PIWIL2: variants seen among roughly 807,000 people sequenced by gnomAD.
PIWIL2 encodes the protein piwi like RNA-mediated gene silencing 2, also known as piwi-like protein 2.
A neutral mutation model predicts 116.5 loss-of-function variants in PIWIL2; 81 were observed. The observed-to-expected ratio is 0.70, with a 90% confidence interval of 0.58 to 0.84. PIWIL2 has a LOEUF of 0.84. PIWIL2 is among the 40% of genes least tolerant of loss of function. The pLI is 0.00. For synonymous variants in PIWIL2, 489 were observed against 429.5 expected, an observed-to-expected ratio of 1.14 and a Z score of -1.71; for missense variants, 1,272 against 1,212.3, an observed-to-expected ratio of 1.05 and a Z score of -0.73.
chr8:22,319,302 A>ATTTT lies in PIWIL2; in HGVS notation c.2403+1033_2403+1036dup, dbSNP rs796870518. ...TAATACTGTTCAGTTATTAGAGGTT[A>ATTTT]TTTTTTTTTAAAGTCTGTCTCCAGC... On this transcript the variant is annotated intron_variant, in intron 20 of 22. Coordinates refer to ENST00000356766, the MANE Select transcript of PIWIL2 (RefSeq NM_018068.5). Among the ~76,000 whole-genome samples, 24 of 151,706 alleles carry ATTTT rather than the reference A, an allele frequency of 1.6e-4. No individual in the cohort carries two copies. In the East Asian group the frequency reaches 4.6e-3, roughly 29 times the overall value.
intron 20 of PIWIL2, among the ~76,000 whole-genome samples, chr8:22,349,428 T>C (rs1340944107): frequency 6.8e-6 from 1 of 146,124 alleles, no homozygotes; most frequent in African/African-American, 2.5e-5. Context: ...TGTATATATA[T>C]ATATATATAT....
intron 6 of PIWIL2, among the ~76,000 whole-genome samples, chr8:22,286,662 C>T (rs765753449): frequency 1.3e-5 from 2 of 152,152 alleles, no homozygotes; most frequent in Non-Finnish European, 2.9e-5. Flanking sequence ...CACTCTGTTG[C>T]GCAGGCCGGA....
intron 20 of PIWIL2, among the ~76,000 whole-genome samples, chr8:22,320,259 CTTTTTT>C (rs71544874): frequency 1.1e-5 from 1 of 89,602 alleles, no homozygotes; most frequent in Admixed American, 1.6e-4. Flanking sequence ...CTGCGCCCGG[CTTTTTT>C]TTTTTTTTTT....
chr8:22,331,509 A>T (rs968253965), intron 20 of PIWIL2, among the ~76,000 whole-genome samples: 1 of 152,130 alleles, frequency 6.6e-6, no homozygotes, highest in African/African-American at 2.4e-5. Context: ...TTTTACCTAA[A>T]TTCTTCAAAG....
intron 20 of PIWIL2, among the ~76,000 whole-genome samples, chr8:22,344,532 GAC>G (rs891327699): frequency 1.3e-5 from 2 of 151,972 alleles, no homozygotes; most frequent in African/African-American, 2.4e-5. Context: ...AAAACATACA[GAC>G]ACACAATGAG....
chr8:22,332,399 GAGGTTA>G (rs1333353861), intron 20 of PIWIL2, among the ~76,000 whole-genome samples: 1 of 152,060 alleles, frequency 6.6e-6, no homozygotes, highest in Admixed American at 6.6e-5. Context: ...GGCTCAGAAG[GAGGTTA>G]AAGAAGGCAG....
Position 22,355,430 on chromosome 8 carries a change from G to C in PIWIL2, c.2847G>C (p.Lys949Asn). The C allele has an allele frequency of 6.2e-7, 1 of 1,614,150 alleles. No homozygotes were observed. Among genetic ancestry groups the C allele is most frequent in the Non-Finnish European group, 8.5e-7 (1 of 1,180,006 alleles). Reference sequence around the variant, plus strand: ...CAGCTCCTTGCAAGTATGCCCACAAGCTAGCTTTCCTGTCAGGACACATCT... The same window carrying C: ...CAGCTCCTTGCAAGTATGCCCACAACCTAGCTTTCCTGTCAGGACACATCT... ...RVPAPCKYAH[K>N]LAFLSGHILH... Residue 949 changes from lysine (K) to asparagine (N), a missense_variant, in exon 23 of 23, where the codon AAG becomes AAC. Physicochemically the swap from Lys to Asn is moderately conservative, Grantham distance 94 (BLOSUM62 0). Coordinates refer to ENST00000356766, the MANE Select transcript of PIWIL2 (RefSeq NM_018068.5).
rs778592287 is a variant in PIWIL2, at chr8:22,290,367, A to C, written c.1181+21A>C. On this transcript the variant is annotated intron_variant, in intron 10 of 22. Coordinates refer to ENST00000356766, the MANE Select transcript of PIWIL2 (RefSeq NM_018068.5). ...GTCATGTGAGTGAATGGTGGGGTCT[A>C]TCTTTAACATGCTGATGATTTTCTG... 6.0e-6 allele frequency: 8 copies of C among 1,327,180 alleles called. No individual in the cohort carries two copies. The Admixed American group carries it at 1.4e-4, about 23-fold the overall frequency. The allele number at this position is 1,327,180 out of a possible 1,614,324, so 82.2% of individuals were successfully genotyped here. A position where few individuals can be genotyped will look rare whatever the true frequency, so the allele number is the denominator to read the frequency against.
intron 4 of PIWIL2, among the ~76,000 whole-genome samples, chr8:22,282,563 G>A (rs934647990): frequency 6.6e-6 from 1 of 151,778 alleles, no homozygotes. Flanking sequence ...ACAGTCAATA[G>A]CAGTTGGTGA....
At chr8:22,316,747 G>A (rs569008786) in intron 19 of PIWIL2, among the ~76,000 whole-genome samples, 1 of 151,996 alleles carries the variant, frequency 6.6e-6, no homozygotes, top group South Asian at 2.1e-4. Flanking sequence ...CTCCCACAGT[G>A]CTTGGATTAC....
chr8:22,282,187 TCTC>T (rs1432025319), intron 4 of PIWIL2, among the ~76,000 whole-genome samples: 3 of 147,426 alleles, frequency 2.0e-5, no homozygotes, highest in Non-Finnish European at 4.5e-5. Flanking sequence ...TTCAAGCGAT[TCTC>T]CTGCCTCAGT....
Position 22,281,375 on chromosome 8 carries a change from A to G in PIWIL2, c.287-2A>G, listed in dbSNP as rs1377365989. ...TTGCTGGGGTTCGGTTCTTTCTTTC[A>G]GGTAGAGGCATTTTAGGTCGAGGCT... is the stretch of plus-strand genomic sequence containing the variant. On this transcript the variant is annotated splice_acceptor_variant, in intron 3 of 22. Coordinates refer to ENST00000356766, the MANE Select transcript of PIWIL2 (RefSeq NM_018068.5). LOFTEE classifies it high-confidence loss of function. 1.9e-6 allele frequency: 3 copies of G among 1,607,412 alleles called. No homozygotes were observed. Among genetic ancestry groups the G allele is most frequent in the Non-Finnish European group, 2.5e-6 (3 of 1,178,522 alleles).
At chr8:22,297,001 TA>T (rs2132016451) in intron 10 of PIWIL2, among the ~76,000 whole-genome samples, 1 of 152,270 alleles carries the variant, frequency 6.6e-6, no homozygotes, top group Non-Finnish European at 1.5e-5. Context: ...TTTTTATTTT[TA>T]TTTTTTGATG....
rs1344570942 is a variant in PIWIL2 at position 22,353,124 on chromosome 8, A to G, written c.2569A>G (p.Ser857Gly). Residue 857 changes from serine (S) to glycine (G), a missense_variant, in exon 21 of 23, where the codon AGT becomes GGT. Physicochemically the swap from Ser to Gly is moderately conservative, Grantham distance 56. Coordinates refer to ENST00000356766, the MANE Select transcript of PIWIL2 (RefSeq NM_018068.5). ...MVVFVVQKKI[S>G]TNLYLAAPQN... is the part of the protein sequence containing the mutation. ...GGTGTTTGTAGTTCAGAAGAAAATC[A>G]GTACTAATCTATATCTGGCTGCTCC... 8 of 1,613,790 alleles carry G rather than the reference A, an allele frequency of 5.0e-6. No homozygotes were observed. Among genetic ancestry groups the G allele is most frequent in the Non-Finnish European group, 6.8e-6 (8 of 1,179,752 alleles).
intron 20 of PIWIL2, chr8:22,321,915 T>C (rs1319200779): frequency 2.0e-6 from 2 of 985,142 alleles, no homozygotes; most frequent in African/African-American, 1.7e-5. Flanking sequence ...TCAGCCCCAT[T>C]TTGCATCACG....
In PIWIL2 at chr8:22,323,143, C is replaced by CTTTTTTTT. The variant is rs138180864; in HGVS notation, c.2403+4883_2403+4890dup. 1.9e-4 allele frequency among the ~76,000 whole-genome samples: 15 copies of CTTTTTTTT among 78,024 alleles called. 2 individuals carry two copies. The highest frequency in any genetic ancestry group is 3.9e-4 in the Admixed American group (2 of 5,100). The allele number at this position is 78,024 out of a possible 152,430, so 51.2% of individuals were successfully genotyped here. ...GGGCTAGGGCTAGGATAGTCTTGAT[C>CTTTTTTTT]TTTTTTTTTTTTTTTTTTTTTTGAG... On this transcript the variant is annotated intron_variant, in intron 20 of 22. Transcript: ENST00000356766.
At position 22,357,446 on chromosome 8, in the gene PIWIL2, G is replaced by T. The variant is rs1189839297; in HGVS notation, c.*1941G>T. 6.6e-6 allele frequency: 1 copy of T among 152,146 alleles called. No homozygotes were observed. Among genetic ancestry groups the T allele is most frequent in the Non-Finnish European group, 1.5e-5 (1 of 68,034 alleles). The allele number at this position is 152,146 out of a possible 1,614,324, so 9.4% of individuals were successfully genotyped here. Reference sequence around the variant, plus strand: ...TTCTCTTAGATAATCAGAACAAATGGTTGAATACATTATAATACAAAAATT... The same window carrying T: ...TTCTCTTAGATAATCAGAACAAATGTTTGAATACATTATAATACAAAAATT... On this transcript the variant is annotated 3_prime_UTR_variant, in exon 23 of 23. Transcript: ENST00000356766.
At chr8:22,302,431 G>A (rs968015294) in intron 10 of PIWIL2, among the ~76,000 whole-genome samples, 6 of 152,020 alleles carry the variant, frequency 3.9e-5, no homozygotes, top group South Asian at 2.1e-4. Context: ...CGCCCACCTC[G>A]GCCTCCCAAA....
Position 22,281,467 on chromosome 8 carries a change from T to C in PIWIL2, c.377T>C (p.Leu126Ser), listed in dbSNP as rs758251377. Reference sequence around the variant, plus strand: ...CCCACTTTTTGGGATCCAAAAGTGTTGGCGGCTGGGGACAGCAAGATGGCA... The same window carrying C: ...CCCACTTTTTGGGATCCAAAAGTGTCGGCGGCTGGGGACAGCAAGATGGCA... ...LSPTFWDPKV[L>S]AAGDSKMAET... is the part of the protein sequence containing the mutation. The change falls in exon 4 of 23, where the codon TTG (leucine) becomes TCG (serine). Residue 126 changes from leucine to serine, a missense_variant. Physicochemically the swap from Leu to Ser is moderately radical, Grantham distance 145. Coordinates refer to ENST00000356766, the MANE Select transcript of PIWIL2 (RefSeq NM_018068.5). 2 of 1,603,736 alleles carry C rather than the reference T, an allele frequency of 1.2e-6. No individual in the cohort carries two copies. The highest frequency in any genetic ancestry group is 2.7e-5 in the African/African-American group (2 of 73,936).
Sources: allele counts gnomAD v4.1 joint callset (sites outside exome capture counted in the v4.1 genomes callset), GRCh38; gene constraint gnomAD v4.1.1; transcripts MANE v1.5; gene names NCBI Gene and HGNC (gene_info 2026-07-23, HGNC 2026-07-21).